JHY: variants seen among roughly 807,000 people sequenced by gnomAD.
JHY encodes the protein jhy protein homolog.
Under a neutral mutation model 78.0 loss-of-function variants are expected in JHY, and 69 were observed. That is an observed-to-expected ratio of 0.88 (90% CI 0.73 to 1.08). The LOEUF is 1.08. JHY is among the 50% of genes least tolerant of loss of function. The pLI is 0.00. For synonymous variants in JHY, 368 were observed against 342.6 expected (o/e 1.07, Z -0.82); for missense variants, 944 against 927.8 (o/e 1.02, Z -0.23).
intron 6 of JHY, among the ~76,000 whole-genome samples, chr11:122,954,678 G>A (rs571694725): frequency 6.6e-6 from 1 of 152,318 alleles, no homozygotes; most frequent in Admixed American, 6.5e-5. Context: ...AGCACTTTGG[G>A]AGGCCGAGGT....
At chr11:122,894,199 C>A (rs1862688266) in intron 2 of JHY, among the ~76,000 whole-genome samples, 1 of 151,924 alleles carries the variant, frequency 6.6e-6, no homozygotes, top group African/African-American at 2.4e-5. Context: ...CCCAGCTATT[C>A]AGGAGGCTTA....
At chr11:122,928,849 C>T (rs1317870124) in intron 4 of JHY, among the ~76,000 whole-genome samples, 3 of 152,082 alleles carry the variant, frequency 2.0e-5, no homozygotes, top group Non-Finnish European at 4.4e-5. Context: ...GGGGTTTCAC[C>T]GTGTTAGCCA....
chr11:122,925,527 A>T (rs1863477704), intron 4 of JHY, among the ~76,000 whole-genome samples: 1 of 152,204 alleles, frequency 6.6e-6, no homozygotes, highest in South Asian at 2.1e-4. Flanking sequence ...TACTACTTTG[A>T]AATCATAAAT....
intron 4 of JHY, among the ~76,000 whole-genome samples, chr11:122,927,495 A>T (rs1435336803): frequency 6.6e-6 from 1 of 152,134 alleles, no homozygotes; most frequent in Non-Finnish European, 1.5e-5. Flanking sequence ...GCACTCTGGG[A>T]CACAGACACT....
intron 7 of JHY, among the ~76,000 whole-genome samples, chr11:122,956,876 C>T (rs758198516): frequency 2.0e-5 from 3 of 152,124 alleles, no homozygotes; most frequent in Non-Finnish European, 4.4e-5. Context: ...TTGGTCTTTC[C>T]TACTAGAGTT....
At chr11:122,897,985 T>TATCATCTTGC in intron 2 of JHY, among the ~76,000 whole-genome samples, 1 of 152,324 alleles carries the variant, frequency 6.6e-6, no homozygotes, top group East Asian at 1.9e-4. Flanking sequence ...ATGGACTTTG[T>TATCATCTTGC]GATATCATCT....
At chr11:122,926,200 A>AAAAAAAAAAG (rs1863497646) in intron 4 of JHY, among the ~76,000 whole-genome samples, 1 of 90,382 alleles carries the variant, frequency 1.1e-5, no homozygotes, top group African/African-American at 3.1e-5. Flanking sequence ...AAAAAAAAAA[A>AAAAAAAAAAG]AAAAAAGAAA....
chr11:122,936,391 T>C (rs1426434452), intron 5 of JHY, among the ~76,000 whole-genome samples: 1 of 151,768 alleles, frequency 6.6e-6, no homozygotes, highest in Non-Finnish European at 1.5e-5. Flanking sequence ...GTTAGCTTCC[T>C]AGAAGAGATA....
Position 122,946,682 on chromosome 11 carries a change from A to T in JHY, c.1819A>T (p.Ser607Cys), listed in dbSNP as rs749637402. The change falls in exon 6 of 9, where the codon AGT becomes TGT. Residue 607 changes from serine (S) to cysteine (C), a missense_variant. Coordinates refer to ENST00000227349, the MANE Select transcript of JHY (RefSeq NM_024806.4). The stretch of plus-strand genomic sequence containing the variant: ...AAGGGTAGAAAGTGAATCCCAACTC[A>T]GTTCAGAGAGAAGCCAAAGAAACCA... Reference protein sequence around the residue: ...LSRVESESQLSSERSQRNQVK... With the variant: ...LSRVESESQLCSERSQRNQVK... 1 of 1,614,156 alleles carries T rather than the reference A, an allele frequency of 6.2e-7. No individual in the cohort carries two copies. The highest frequency in any genetic ancestry group is 1.1e-5 in the South Asian group (1 of 91,086).
Position 122,946,872 on chromosome 11 carries a change from A to C in JHY, c.1929+80A>C, listed in dbSNP as rs1452984966. On this transcript the variant is annotated intron_variant, in intron 6 of 8. Transcript: ENST00000227349. ...GACCTTGATGTAATTATAGCCCTGG[A>C]ATAGGGATGGTCATTACTGAGTTGC... 3.4e-6 allele frequency: 5 copies of C among 1,492,354 alleles called. No homozygotes were observed. The Admixed American group carries it at 8.5e-5, about 25-fold the overall frequency. The allele number at this position is 1,492,354 out of a possible 1,614,324, so 92.4% of individuals were successfully genotyped here. A position where few individuals can be genotyped will look rare whatever the true frequency, so the allele number is the denominator to read the frequency against.
chr11:122,883,902 A>G lies in JHY; in HGVS notation c.-90+930A>G, dbSNP rs1043350502. Among the ~76,000 whole-genome samples the G allele has an allele frequency of 1.3e-5, 2 of 152,252 alleles. No individual in the cohort carries two copies. The highest frequency in any genetic ancestry group is 4.8e-5 in the African/African-American group (2 of 41,464). ...ACTGAATTATTTTAAGAGTAATTCTAAGTTGCACTATAACGCTTAAGCTTG... is the reference window on the plus strand; with the variant it reads ...ACTGAATTATTTTAAGAGTAATTCTGAGTTGCACTATAACGCTTAAGCTTG... On this transcript the variant is annotated intron_variant, in intron 1 of 8. Coordinates refer to ENST00000227349, the MANE Select transcript of JHY (RefSeq NM_024806.4). This position sits in a 1 kb window ranked among gnomAD's most constrained non-coding sequence, Gnocchi z 4.4.
Position 122,898,584 on chromosome 11 carries a change from G to A in JHY, c.345-5341G>A, listed in dbSNP as rs368048594. ...CCACTCCTGAGTGAGTAGCAGAACA[G>A]TGATCCCCAGTGTTGTCACCTGTGA... On this transcript the variant is annotated intron_variant, in intron 2 of 8. Coordinates refer to ENST00000227349, the MANE Select transcript of JHY (RefSeq NM_024806.4). This position sits in a 1 kb window ranked among gnomAD's most constrained non-coding sequence, Gnocchi z 4.4. Among the ~76,000 whole-genome samples the A allele has an allele frequency of 1.5e-3, 236 of 152,280 alleles. 2 individuals carry two copies. Among genetic ancestry groups the A allele is most frequent in the African/African-American group, 5.4e-3 (223 of 41,576 alleles).
chr11:122,896,728 G>T (rs1033722082), intron 2 of JHY, among the ~76,000 whole-genome samples: 5 of 152,196 alleles, frequency 3.3e-5, no homozygotes, highest in African/African-American at 1.2e-4. Context: ...ATGTCACGGG[G>T]ACTGAATGTG....
In JHY at chr11:122,886,007, A is replaced by C. The variant is rs1342061579; in HGVS notation, c.158A>C (p.Glu53Ala). The C allele has an allele frequency of 4.3e-6, 7 of 1,614,060 alleles. No individual in the cohort carries two copies. The highest frequency in any genetic ancestry group is 5.9e-6 in the Non-Finnish European group (7 of 1,180,042). The change falls in exon 2 of 9, where the codon GAG (glutamate) becomes GCG (alanine). Residue 53 changes from glutamate (E) to alanine (A), a missense_variant. By Grantham distance (107) the Glu-to-Ala change is moderately radical (BLOSUM62 -1). Transcript: ENST00000227349. ...TCTGATTCAGAAAGCCTCACGCAAGAGATTATGTGCCATTCTGAGTTTGAT... is the reference window on the plus strand; with the variant it reads ...TCTGATTCAGAAAGCCTCACGCAAGCGATTATGTGCCATTCTGAGTTTGAT... ...LESDSESLTQEIMCHSEFDDR... is the reference protein window; with the variant it reads ...LESDSESLTQAIMCHSEFDDR...
chr11:122,886,176 C>G lies in JHY; in HGVS notation c.327C>G (p.Asp109Glu). The G allele has an allele frequency of 6.2e-7, 1 of 1,610,616 alleles. No homozygotes were observed. Residue 109 changes from aspartate to glutamate, a missense_variant, in exon 2 of 9, where the codon GAC becomes GAG. Asp to Glu is a conservative substitution (Grantham distance 45). Transcript: ENST00000227349. ...MAREQNHHTW[D>E]QGANNRQQPI... The stretch of plus-strand genomic sequence containing the variant: ...GCGAGCAAAACCACCATACCTGGGA[C>G]CAGGGCGCCAATAACAGGTAAGGAA...
intron 6 of JHY, among the ~76,000 whole-genome samples, chr11:122,949,481 A>G (rs897706827): frequency 6.6e-6 from 1 of 152,154 alleles, no homozygotes; most frequent in Non-Finnish European, 1.5e-5. Context: ...TCAAAGAGAA[A>G]GTGAAACTGG....
intron 2 of JHY, among the ~76,000 whole-genome samples, chr11:122,894,605 G>C (rs1996842): frequency 0.034 from 5,211 of 152,274 alleles, 391 homozygotes; most frequent in East Asian, 0.33. Context: ...AATCTTAATA[G>C]AAGTGAGGTA....
intron 5 of JHY, among the ~76,000 whole-genome samples, chr11:122,940,230 C>G (rs1336270344): frequency 6.6e-6 from 1 of 151,846 alleles, no homozygotes; most frequent in African/African-American, 2.4e-5. Context: ...CCCAGCTACT[C>G]GGGAGGCTGA....
In JHY at chr11:122,883,190, A is replaced by G. The variant is rs1424065290; in HGVS notation, c.-90+218A>G. 1.3e-5 allele frequency among the ~76,000 whole-genome samples: 2 copies of G among 152,152 alleles called. No homozygotes were observed. The highest frequency in any genetic ancestry group is 1.5e-5 in the Non-Finnish European group (1 of 68,010). ...GCGAGGCTTCGGCGCCCGGGCACCC[A>G]GAGCAGCCCTGTTCCCGGTCAATTA... On this transcript the variant is annotated intron_variant, in intron 1 of 8. Coordinates refer to ENST00000227349, the MANE Select transcript of JHY (RefSeq NM_024806.4). This position sits in a 1 kb window ranked among gnomAD's most constrained non-coding sequence, Gnocchi z 4.4.
Sources: allele counts gnomAD v4.1 joint callset (sites outside exome capture counted in the v4.1 genomes callset), GRCh38; gene constraint gnomAD v4.1.1; non-coding constraint Gnocchi (gnomAD v3.1); transcripts MANE v1.5; gene names NCBI Gene and HGNC (gene_info 2026-07-23, HGNC 2026-07-21).